Variants in ACTR3C observed in about 807,000 individuals in gnomAD.
ACTR3C encodes the protein actin-related protein 3C.
ACTR3C carries 18 observed loss-of-function variants against 26.3 expected under a neutral mutation model. That is an observed-to-expected ratio of 0.68 (90% CI 0.47 to 1.01). The LOEUF is 1.01. Ranked by LOEUF, ACTR3C falls within the 50% of genes least tolerant of loss-of-function variation. The pLI, the probability that ACTR3C is intolerant of heterozygous loss-of-function variation, is 0.00. For synonymous variants in ACTR3C, 55 were observed against 94.5 expected (o/e 0.58, Z 2.42); for missense variants, 184 against 250.7 (o/e 0.73, Z 1.80).
the ACTR3C span, among the ~76,000 whole-genome samples, chr7:149,998,063 C>G: frequency 6.6e-6 from 1 of 151,098 alleles, no homozygotes. Context: ...TCCTCTCTTT[C>G]TTCTCCTTCT....
At chr7:149,938,564 A>G in the ACTR3C span, among the ~76,000 whole-genome samples, 2 of 152,188 alleles carry the variant, frequency 1.3e-5, no homozygotes, top group Admixed American at 6.5e-5. Flanking sequence ...ATGCAGAATT[A>G]AAATAAATGG....
At chr7:150,157,861 T>C in the ACTR3C span, among the ~76,000 whole-genome samples, 94,861 of 151,370 alleles carry the variant, frequency 0.63, 29,969 homozygotes, top group East Asian at 0.78. Flanking sequence ...CGCTGGGTCA[T>C]AGGGATGAGC....
chr7:150,037,571 A>AC, the ACTR3C span, among the ~76,000 whole-genome samples: 1 of 13,890 alleles, frequency 7.2e-5, no homozygotes, highest in South Asian at 2.4e-3. Context: ...GGTCCTAAGA[A>AC]CCCGGGGGGG....
the ACTR3C span, among the ~76,000 whole-genome samples, chr7:149,943,431 T>C: frequency 6.6e-6 from 1 of 151,442 alleles, no homozygotes; most frequent in African/African-American, 2.5e-5. Context: ...GTGCCTTTTA[T>C]CTAAAAGTAA....
the ACTR3C span, among the ~76,000 whole-genome samples, chr7:150,198,508 A>G: frequency 7.9e-6 from 1 of 126,944 alleles, no homozygotes; most frequent in African/African-American, 3.3e-5. Flanking sequence ...CCCATCTGGG[A>G]TGTGAGGAGC....
chr7:150,143,785 C>A, the ACTR3C span, among the ~76,000 whole-genome samples: 3 of 152,328 alleles, frequency 2.0e-5, no homozygotes, highest in South Asian at 6.2e-4. Context: ...CACCTGCAAC[C>A]CCGACTCTTC....
At chr7:150,199,015 C>T in the ACTR3C span, among the ~76,000 whole-genome samples, 2 of 145,240 alleles carry the variant, frequency 1.4e-5, no homozygotes, top group Non-Finnish European at 1.5e-5. Flanking sequence ...CCAGCCGCCC[C>T]GTCCGGGAGG....
the ACTR3C span, among the ~76,000 whole-genome samples, chr7:150,200,511 C>T: frequency 6.6e-6 from 1 of 151,970 alleles, no homozygotes; most frequent in Non-Finnish European, 1.5e-5. Flanking sequence ...GGCCAATAAG[C>T]ATAAGTGTTT....
At position 150,309,504 on chromosome 7, in the gene ACTR3C, T is replaced by C. The variant is rs535609012; in HGVS notation, c.-52+13965A>G. Among the ~76,000 whole-genome samples, 8 of 152,334 alleles carry C rather than the reference T, an allele frequency of 5.3e-5. No individual in the cohort carries two copies. In the South Asian group the frequency reaches 1.5e-3, roughly 28 times the overall value. On this transcript the variant is annotated intron_variant, in intron 1 of 7. Transcript: ENST00000683684. ...GCCAAGCGGCAACGCATTTCAGAGC[T>C]GCAACTGCTTGCGCCTGCTGTAAGA...
chr7:150,002,713 T>C, the ACTR3C span: 1 of 152,222 alleles, frequency 6.6e-6, no homozygotes, highest in Admixed American at 6.5e-5. Context: ...TGTATACCTG[T>C]ATTTTATATA....
the ACTR3C span, among the ~76,000 whole-genome samples, chr7:149,894,623 G>A: frequency 6.6e-6 from 1 of 152,054 alleles, no homozygotes; most frequent in Non-Finnish European, 1.5e-5. Context: ...ATGGCCAACA[G>A]GTATATGAAA....
At chr7:149,976,349 C>T in the ACTR3C span, among the ~76,000 whole-genome samples, 6 of 151,768 alleles carry the variant, frequency 4.0e-5, no homozygotes, top group Admixed American at 3.9e-4. Flanking sequence ...CTGAGGCGGG[C>T]GGATCACGAG....
the ACTR3C span, among the ~76,000 whole-genome samples, chr7:150,054,013 T>C: frequency 6.6e-6 from 1 of 152,188 alleles, no homozygotes; most frequent in African/African-American, 2.4e-5. Flanking sequence ...TATCTTTCCA[T>C]CTCTTCTTCC....
At chr7:150,143,000 T>C in the ACTR3C span, among the ~76,000 whole-genome samples, 2 of 151,672 alleles carry the variant, frequency 1.3e-5, no homozygotes, top group Non-Finnish European at 2.9e-5. Flanking sequence ...CACCGGCTAA[T>C]TTTTGTATAT....
At chr7:150,307,894 T>G (rs1456068591) in intron 1 of ACTR3C, among the ~76,000 whole-genome samples, 1 of 152,200 alleles carries the variant, frequency 6.6e-6, no homozygotes, top group Non-Finnish European at 1.5e-5. Flanking sequence ...TCGCTATCCC[T>G]CAACCTCTTT....
chr7:150,080,215 G>C, the ACTR3C span, among the ~76,000 whole-genome samples: 3 of 150,898 alleles, frequency 2.0e-5, no homozygotes, highest in South Asian at 6.4e-4. Flanking sequence ...CACAACAAGA[G>C]GTTTGGATCC....
At chr7:150,265,670 G>A (rs987205372) in intron 6 of ACTR3C, among the ~76,000 whole-genome samples, 2 of 151,886 alleles carry the variant, frequency 1.3e-5, no homozygotes, top group African/African-American at 4.8e-5. Flanking sequence ...CTCCACCCTG[G>A]GCAACTCCAT....
At chr7:150,023,302 G>GATACATAC in the ACTR3C span, among the ~76,000 whole-genome samples, 80 of 42,566 alleles carry the variant, frequency 1.9e-3, 1 homozygote, top group African/African-American at 6.2e-3. Flanking sequence ...TAGATAGATA[G>GATACATAC]ATAGATAGAT....
chr7:149,955,766 C>A, the ACTR3C span, among the ~76,000 whole-genome samples: 1 of 152,190 alleles, frequency 6.6e-6, no homozygotes, highest in Non-Finnish European at 1.5e-5. Context: ...CTCCTCCAAA[C>A]GTGAGAGCTT....
Sources: allele counts gnomAD v4.1 joint callset (sites outside exome capture counted in the v4.1 genomes callset), GRCh38; gene constraint gnomAD v4.1.1; transcripts MANE v1.5; gene names NCBI Gene and HGNC (gene_info 2026-07-23, HGNC 2026-07-21).